The following MICU3 variants were observed in gnomAD, a reference collection of about 807,000 sequenced individuals.
MICU3 encodes mitochondrial calcium uptake 3, also known as calcium uptake protein 3, mitochondrial.
In MICU3, 62 loss-of-function variants were observed where a neutral mutation model predicts 66.5. That is an observed-to-expected ratio of 0.93 (90% CI 0.76 to 1.15). The LOEUF (loss-of-function observed/expected upper bound fraction) is 1.15. Ranked by LOEUF, MICU3 falls within the 50% of genes most tolerant of loss-of-function variation. The pLI, the probability that MICU3 is intolerant of heterozygous loss-of-function variation, is 0.00. For synonymous variants in MICU3, 308 were observed against 240.7 expected, an observed-to-expected ratio of 1.28 and a Z score of -2.59; for missense variants, 779 against 664.4, an observed-to-expected ratio of 1.17 and a Z score of -1.90.
chr8:17,085,071 TTTTA>T (rs1799326960), intron 5 of MICU3, among the ~76,000 whole-genome samples, 161 bp from the exon 6 acceptor site: 1 of 152,128 alleles, frequency 6.6e-6, no homozygotes, highest in Admixed American at 6.6e-5. Flanking sequence ...TATTATCAAT[TTTTA>T]TTAAGTGTAC....
downstream of MICU3, among the ~76,000 whole-genome samples, chr8:17,126,889 A>G (rs771706004): frequency 2.6e-5 from 4 of 152,206 alleles, no homozygotes; most frequent in Non-Finnish European, 4.4e-5. Context: ...ACTCGGTTCA[A>G]AAAGGTAAAG....
chr8:17,049,397 G>A (rs1318413353), intron 1 of MICU3, among the ~76,000 whole-genome samples: 1 of 152,122 alleles, frequency 6.6e-6, no homozygotes, highest in Non-Finnish European at 1.5e-5. Context: ...ACTATTTCTG[G>A]ACCTAGCTAG....
At chr8:17,101,065 A>G (rs1156267674) in intron 9 of MICU3, among the ~76,000 whole-genome samples, 1 of 151,912 alleles carries the variant, frequency 6.6e-6, no homozygotes, top group Non-Finnish European at 1.5e-5. Flanking sequence ...CATTATAATC[A>G]ATAAAAATAT....
chr8:17,127,450 T>C (rs115329020), downstream of MICU3, among the ~76,000 whole-genome samples: 1,247 of 88,330 alleles, frequency 0.014, 19 homozygotes, highest in African/African-American at 0.057. Flanking sequence ...AATAAAGCAA[T>C]AGGATTTGCT....
At position 17,114,209 on chromosome 8, in the gene MICU3, A is replaced by C; in HGVS notation, c.1366+8A>C. 1 of 1,526,320 alleles carries C rather than the reference A, an allele frequency of 6.6e-7. No homozygotes were observed. Among genetic ancestry groups the C allele is most frequent in the Non-Finnish European group, 9.0e-7 (1 of 1,112,190 alleles). The allele number at this position is 1,526,320 out of a possible 1,614,324, so 94.5% of individuals were successfully genotyped here. ...GTCGTTCTATAGGGCAAGGTAAGTA[A>C]TCATCTACAAAAATTAAAAGCAAGA... On this transcript the variant is annotated splice_region_variant and intron_variant, in intron 12 of 14. Transcript: ENST00000318063.
chr8:17,080,871 C>T (rs922144648), intron 4 of MICU3, among the ~76,000 whole-genome samples: 5 of 152,020 alleles, frequency 3.3e-5, no homozygotes, highest in Non-Finnish European at 7.4e-5. Context: ...GATTTTTATA[C>T]CCTTTTACCA....
At chr8:17,079,548 T>G (rs1296218607) in intron 4 of MICU3, among the ~76,000 whole-genome samples, 2 of 152,122 alleles carry the variant, frequency 1.3e-5, no homozygotes, top group Non-Finnish European at 2.9e-5. Context: ...TTGTTTTATT[T>G]TATTTATTTA....
chr8:17,091,066 T>A (rs1285500396), intron 8 of MICU3, among the ~76,000 whole-genome samples: 3 of 152,012 alleles, frequency 2.0e-5, no homozygotes, highest in Non-Finnish European at 4.4e-5. Context: ...TCCTGCCATT[T>A]CCTCTGCTCT....
Position 17,064,220 on chromosome 8 carries a change from C to T in MICU3, c.518C>T (p.Thr173Ile), listed in dbSNP as rs764968370. ...CCGTATGATTTTATTTTGGCTGTTA[C>T]AACAGATGAGCCCAAAGGTAAGTAC... is the stretch of plus-strand genomic sequence containing the variant. The part of the protein sequence containing the change: ...MTPYDFILAV[T>I]TDEPKVAKTW... Residue 173 changes from threonine (T) to isoleucine (I), a missense_variant, in exon 2 of 15, where the codon ACA becomes ATA. Thr to Ile is a moderately conservative substitution (Grantham distance 89). Coordinates refer to ENST00000318063, the MANE Select transcript of MICU3 (RefSeq NM_181723.3). 1.9e-6 allele frequency: 3 copies of T among 1,611,492 alleles called. No homozygotes were observed. The highest frequency in any genetic ancestry group is 2.5e-6 in the Non-Finnish European group (3 of 1,178,548).
At chr8:17,031,087 A>G (rs1811956700) in intron 1 of MICU3, among the ~76,000 whole-genome samples, 1 of 151,900 alleles carries the variant, frequency 6.6e-6, no homozygotes, top group African/African-American at 2.4e-5. Flanking sequence ...TTTTAGTGGC[A>G]TGTGCTTGTA....
chr8:17,133,497 A>G, the MICU3 span, among the ~76,000 whole-genome samples: 1 of 151,950 alleles, frequency 6.6e-6, no homozygotes, highest in Non-Finnish European at 1.5e-5. Context: ...AGTTTTATTT[A>G]TATATATATC....
At chr8:17,051,010 T>C (rs942276031) in intron 1 of MICU3, among the ~76,000 whole-genome samples, 7 of 152,172 alleles carry the variant, frequency 4.6e-5, no homozygotes, top group African/African-American at 1.7e-4. Context: ...TTGAAAGTCA[T>C]GCATCCTGTT....
intron 1 of MICU3, among the ~76,000 whole-genome samples, chr8:17,028,680 A>T (rs927267872): frequency 2.0e-5 from 3 of 152,186 alleles, no homozygotes; most frequent in African/African-American, 4.8e-5. Flanking sequence ...CAATTAGGTT[A>T]CGGAATCTGC....
chr8:17,093,136 C>T (rs1435996996), intron 8 of MICU3, among the ~76,000 whole-genome samples: 1 of 151,972 alleles, frequency 6.6e-6, no homozygotes, highest in Non-Finnish European at 1.5e-5. Flanking sequence ...ACCTTATAAC[C>T]TTTTCTGTTC....
chr8:17,033,205 A>C (rs1336420749), intron 1 of MICU3, among the ~76,000 whole-genome samples: 1 of 152,222 alleles, frequency 6.6e-6, no homozygotes, highest in East Asian at 1.9e-4. Context: ...AGGCATGTTG[A>C]AATACTACAT....
Position 17,044,839 on chromosome 8 carries a change from C to T in MICU3, c.381+17179C>T, listed in dbSNP as rs545278769. Among the ~76,000 whole-genome samples the T allele has an allele frequency of 4.1e-4, 63 of 152,298 alleles. 1 individual carries two copies. In the South Asian group the frequency reaches 0.013, roughly 31 times the overall value. On this transcript the variant is annotated intron_variant, in intron 1 of 14. Coordinates refer to ENST00000318063, the MANE Select transcript of MICU3 (RefSeq NM_181723.3). ...GTTGGCTTGGGGTGGGTCAGGAGAC[C>T]TGAATGAAAATCATGATGCTGCCAT...
intron 1 of MICU3, among the ~76,000 whole-genome samples, chr8:17,034,589 C>T (rs1358023794): frequency 6.6e-6 from 1 of 152,146 alleles, no homozygotes; most frequent in South Asian, 2.1e-4. Flanking sequence ...GTAAAAGTAT[C>T]AACATTAGTA....
chr8:17,078,993 C>G (rs1169887149), intron 4 of MICU3, among the ~76,000 whole-genome samples: 1 of 152,038 alleles, frequency 6.6e-6, no homozygotes, highest in Admixed American at 6.6e-5. Context: ...AAACATTTTT[C>G]TTAATATACC....
intron 1 of MICU3, among the ~76,000 whole-genome samples, chr8:17,057,347 T>C (rs1284999196): frequency 6.6e-6 from 1 of 152,108 alleles, no homozygotes; most frequent in Non-Finnish European, 1.5e-5. Flanking sequence ...GGAGCTCAGT[T>C]CTTGTTCCCA....
Sources: gnomAD v4.1 joint callset for allele counts (sites outside exome capture counted in the v4.1 genomes callset) on GRCh38, gnomAD v4.1.1 for gene constraint, MANE v1.5 for transcripts, NCBI Gene and HGNC (gene_info 2026-07-23, HGNC 2026-07-21) for gene names.